SEPTIN7: variants seen among roughly 807,000 people sequenced by gnomAD.
SEPTIN7 encodes the protein septin-7.
SEPTIN7 carries 10 observed loss-of-function variants against 63.3 expected under a neutral mutation model. The observed-to-expected ratio is 0.16, with a 90% CI of 0.10 to 0.27. SEPTIN7 has a LOEUF of 0.27. Among genes scored for constraint, SEPTIN7 ranks in the 10% least tolerant of loss-of-function variants. SEPTIN7 has a pLI of 1.00. For synonymous variants in SEPTIN7, 131 were observed against 165.3 expected (o/e 0.79, Z 1.59); for missense variants, 310 against 521.0 (o/e 0.59, Z 3.94).
In SEPTIN7 at chr7:35,863,418, A is replaced by G. The variant is rs991142467; in HGVS notation, c.170-134A>G. 7 of 587,274 alleles carry G rather than the reference A, an allele frequency of 1.2e-5. No individual in the cohort carries two copies. In the African/African-American group the frequency reaches 1.3e-4, roughly 11 times the overall value. The allele number at this position is 587,274 out of a possible 1,614,324, so 36.4% of individuals were successfully genotyped here. On this transcript the variant is annotated intron_variant, in intron 3 of 13. Transcript: ENST00000350320. ...GGACAAGATACTTATTCTCTGTAGC[A>G]TATTTTCTAATGTCATTTCATTGTC...
chr7:35,846,087 A>AAG (rs1331067084), intron 3 of SEPTIN7, among the ~76,000 whole-genome samples: 1 of 152,182 alleles, frequency 6.6e-6, no homozygotes, highest in Non-Finnish European at 1.5e-5. Flanking sequence ...ATGGCATTTT[A>AAG]AGAGAGAGGA....
chr7:35,815,434 G>A (rs768843382), intron 1 of SEPTIN7, among the ~76,000 whole-genome samples: 3 of 152,090 alleles, frequency 2.0e-5, no homozygotes, highest in Non-Finnish European at 2.9e-5. Flanking sequence ...CTGGTACATC[G>A]ATTCCAATCT....
At chr7:35,856,493 A>G (rs889208380) in intron 3 of SEPTIN7, among the ~76,000 whole-genome samples, 4 of 152,232 alleles carry the variant, frequency 2.6e-5, no homozygotes, top group African/African-American at 9.6e-5. Context: ...AAGAAGGGCA[A>G]TTGCTGGATC....
At chr7:35,829,897 A>G (rs1783739709) in intron 1 of SEPTIN7, among the ~76,000 whole-genome samples, 1 of 152,120 alleles carries the variant, frequency 6.6e-6, no homozygotes, top group Non-Finnish European at 1.5e-5. Context: ...AGTAATAAAA[A>G]TAATCTGTGG....
chr7:35,870,251 A>G (rs187913406), intron 4 of SEPTIN7, among the ~76,000 whole-genome samples: 1 of 152,374 alleles, frequency 6.6e-6, no homozygotes, highest in East Asian at 1.9e-4. Context: ...CATTTGTCTT[A>G]GCAAGTCAAT....
rs1788078318 is a variant in SEPTIN7 at position 35,898,312 on chromosome 7, A to C, written c.1063A>C (p.Met355Leu). 1 of 1,550,312 alleles carries C rather than the reference A, an allele frequency of 6.5e-7. No individual in the cohort carries two copies. The highest frequency in any genetic ancestry group is 1.4e-5 in the African/African-American group (1 of 73,158). ...EHVAKMKKME[M>L]EMEQVFEMKV... ...TGTAGCTAAAATGAAGAAGATGGAGATGGAGATGGAGCAGGTGTTTGAGAT... is the reference window on the plus strand; with the variant it reads ...TGTAGCTAAAATGAAGAAGATGGAGCTGGAGATGGAGCAGGTGTTTGAGAT... Residue 355 changes from methionine (M) to leucine (L), a missense_variant, in exon 12 of 14, where the codon ATG becomes CTG. Met to Leu is a conservative substitution (Grantham distance 15, BLOSUM62 2). Around this residue, in one of 2 missense-constraint regions of SEPTIN7, gnomAD observed 255 missense variants for 490.5 expected, o/e 0.52. Transcript: ENST00000350320.
intron 1 of SEPTIN7, among the ~76,000 whole-genome samples, chr7:35,810,826 G>T: frequency 6.6e-6 from 1 of 151,482 alleles, no homozygotes; most frequent in East Asian, 1.9e-4. Context: ...GAGTGCAGTG[G>T]TGAGACAGAG....
chr7:35,864,950 G>T (rs772048379), intron 4 of SEPTIN7, among the ~76,000 whole-genome samples: 5 of 151,892 alleles, frequency 3.3e-5, no homozygotes, highest in Middle Eastern at 3.4e-3. Flanking sequence ...ATGCAGTTTA[G>T]TAACTAGATC....
chr7:35,806,023 A>G (rs1380534136), intron 1 of SEPTIN7, among the ~76,000 whole-genome samples: 2 of 152,204 alleles, frequency 1.3e-5, no homozygotes, highest in East Asian at 3.9e-4. Flanking sequence ...CCCTGCTGTC[A>G]TCGTGCTAAG....
the SEPTIN7 span, among the ~76,000 whole-genome samples, chr7:35,914,917 T>G: frequency 6.6e-6 from 1 of 152,050 alleles, no homozygotes; most frequent in Non-Finnish European, 1.5e-5. Context: ...TATATAGATA[T>G]GTATTTGCAC....
downstream of SEPTIN7, chr7:35,907,125 T>C (rs554718795): frequency 6.6e-6 from 1 of 152,344 alleles, no homozygotes; most frequent in South Asian, 2.1e-4. Context: ...CAATGAATTA[T>C]TACTTTGCAC....
chr7:35,819,994 T>C (rs1789316476), intron 1 of SEPTIN7, among the ~76,000 whole-genome samples: 1 of 152,120 alleles, frequency 6.6e-6, no homozygotes, highest in African/African-American at 2.4e-5. Flanking sequence ...TTTTTTTTTT[T>C]TTGAGACAGG....
At chr7:35,871,938 T>C (rs969856912) in intron 4 of SEPTIN7, among the ~76,000 whole-genome samples, 4 of 152,178 alleles carry the variant, frequency 2.6e-5, no homozygotes, top group African/African-American at 9.6e-5. Context: ...AGCTTGAGAT[T>C]ACAGAATGTC....
chr7:35,832,191 C>CA (rs1313060529), intron 2 of SEPTIN7: 7 of 429,690 alleles, frequency 1.6e-5, no homozygotes, highest in Non-Finnish European at 3.2e-5. Context: ...AAGATAAAGG[C>CA]AGTAGGATCA....
chr7:35,814,975 A>C (rs1788958356), intron 1 of SEPTIN7, among the ~76,000 whole-genome samples: 1 of 118,126 alleles, frequency 8.5e-6, no homozygotes, highest in African/African-American at 3.7e-5. Flanking sequence ...ACTCCTTCTC[A>C]AAAAAAAAAA....
At chr7:35,820,799 T>G (rs1297520952) in intron 1 of SEPTIN7, among the ~76,000 whole-genome samples, 1 of 152,214 alleles carries the variant, frequency 6.6e-6, no homozygotes, top group South Asian at 2.1e-4. Flanking sequence ...TACTAGACAT[T>G]TTAAATATTT....
chr7:35,860,404 G>A (rs1487304458), intron 3 of SEPTIN7, among the ~76,000 whole-genome samples: 3 of 151,996 alleles, frequency 2.0e-5, no homozygotes, highest in Non-Finnish European at 4.4e-5. Flanking sequence ...AATAATACTG[G>A]TTTTTATATT....
chr7:35,807,012 A>G (rs1362911064), intron 1 of SEPTIN7, among the ~76,000 whole-genome samples: 1 of 152,182 alleles, frequency 6.6e-6, no homozygotes, highest in Non-Finnish European at 1.5e-5. Flanking sequence ...TATAAAATAT[A>G]TTTGAAATAT....
chr7:35,888,919 C>T, intron 10 of SEPTIN7: 1 of 276,390 alleles, frequency 3.6e-6, no homozygotes, highest in Non-Finnish European at 7.4e-6. Flanking sequence ...CTTAGAGAAA[C>T]TGGTTCCAAA....
Sources: allele counts gnomAD v4.1 joint callset (sites outside exome capture counted in the v4.1 genomes callset), GRCh38; gene constraint gnomAD v4.1.1; regional missense constraint gnomAD v4.1.1; transcripts MANE v1.5; gene names NCBI Gene and HGNC (gene_info 2026-07-23, HGNC 2026-07-21).